The following OSBP2 variants were observed in gnomAD, a reference collection of about 807,000 sequenced individuals.
The protein encoded by OSBP2 is oxysterol-binding protein 2.
A neutral mutation model predicts 96.0 loss-of-function variants in OSBP2; 66 were observed. The observed-to-expected ratio is 0.69, with a 90% CI of 0.56 to 0.84. The LOEUF (loss-of-function observed/expected upper bound fraction) is 0.84, where lower values mean the gene tolerates loss of function less well. OSBP2 is among the 40% of genes least tolerant of loss of function. The probability of loss-of-function intolerance (pLI) is 0.00; values close to 1 mark genes in which losing one functional copy is unlikely to be tolerated. For missense variants in OSBP2, 1,038 were observed against 1,222.7 expected (o/e 0.85, Z 2.25); for synonymous variants, 525 against 520.9 (o/e 1.01, Z -0.11).
At chr22:30,865,991 C>T (rs769238553) in intron 2 of OSBP2, among the ~76,000 whole-genome samples, 6 of 152,180 alleles carry the variant, frequency 3.9e-5, no homozygotes, top group Non-Finnish European at 7.3e-5. Context: ...GTGACCCACT[C>T]GAGAGCATCC....
rs186166378 is a variant in OSBP2, at chr22:30,704,068, C to T, written c.644+8515C>T. Among the ~76,000 whole-genome samples the T allele has an allele frequency of 6.7e-3, 1,018 of 152,290 alleles. 7 individuals are homozygous for T. The highest frequency in any genetic ancestry group is 0.012 in the Non-Finnish European group (796 of 68,030). Reference sequence around the variant, plus strand: ...TCTGACTCAGCCCACGCAAAGGTGTCCACCCACCTCACACTGGGGAGACTC... The same window carrying T: ...TCTGACTCAGCCCACGCAAAGGTGTTCACCCACCTCACACTGGGGAGACTC... On this transcript the variant is annotated intron_variant, in intron 1 of 13. Coordinates refer to ENST00000332585, the MANE Select transcript of OSBP2 (RefSeq NM_030758.4).
At chr22:30,865,538 A>G (rs2039317907) in intron 2 of OSBP2, among the ~76,000 whole-genome samples, 1 of 149,200 alleles carries the variant, frequency 6.7e-6, no homozygotes, top group African/African-American at 2.5e-5. Context: ...AGGCTGAGGC[A>G]GGAGAATTGC....
chr22:30,870,353 G>C lies in OSBP2; in HGVS notation c.854-76G>C. On this transcript the variant is annotated intron_variant, in intron 2 of 13. Transcript: ENST00000332585. The surrounding 1 kb of genome is among the most constrained non-coding windows in gnomAD (Gnocchi z 4.1). The stretch of plus-strand genomic sequence containing the variant: ...TGAATGGCGCTATCCACCCTGCCCT[G>C]CTCGGCCTGGCTGTGCAGGCCTCTT... 1 of 1,485,206 alleles carries C rather than the reference G, an allele frequency of 6.7e-7. No homozygotes were observed. The highest frequency in any genetic ancestry group is 9.3e-7 in the Non-Finnish European group (1 of 1,080,760). 92.0% of individuals were successfully genotyped at this position (1,485,206 alleles called of 1,614,324 possible).
chr22:30,766,726 G>A (rs145150909), intron 2 of OSBP2, among the ~76,000 whole-genome samples: 2,224 of 152,246 alleles, frequency 0.015, 24 homozygotes, highest in Non-Finnish European at 0.021. Context: ...CCTCCATGAC[G>A]CCGGGACAGG....
At chr22:30,752,788 T>G (rs2090094445) in intron 2 of OSBP2, among the ~76,000 whole-genome samples, 1 of 152,136 alleles carries the variant, frequency 6.6e-6, no homozygotes, top group South Asian at 2.1e-4. Context: ...CATTTCAAAA[T>G]ATGTCAAAGA....
chr22:30,699,518 A>G (rs1199298743), intron 1 of OSBP2, among the ~76,000 whole-genome samples: 1 of 152,230 alleles, frequency 6.6e-6, no homozygotes, highest in East Asian at 1.9e-4. Flanking sequence ...TTATATTCCC[A>G]ACGGTCATGA....
intron 2 of OSBP2, among the ~76,000 whole-genome samples, chr22:30,866,468 G>A (rs536792027): frequency 8.5e-5 from 13 of 152,210 alleles, no homozygotes; most frequent in East Asian, 3.8e-4. Context: ...GGCCAGGCGC[G>A]GTGGCTCAGG....
intron 2 of OSBP2, among the ~76,000 whole-genome samples, chr22:30,826,065 C>T (rs1384815477): frequency 1.3e-5 from 2 of 152,072 alleles, no homozygotes; most frequent in African/African-American, 4.8e-5. Flanking sequence ...ATGTGAGCAC[C>T]AGGTCCTGGA....
At chr22:30,901,782 T>G (rs1449129395) in intron 12 of OSBP2, among the ~76,000 whole-genome samples, 1 of 152,136 alleles carries the variant, frequency 6.6e-6, no homozygotes, top group African/African-American at 2.4e-5. Context: ...GGAAAAGTGC[T>G]TGAACCTGGG....
At chr22:30,885,099 A>G (rs927894576) in intron 3 of OSBP2, among the ~76,000 whole-genome samples, 2 of 152,064 alleles carry the variant, frequency 1.3e-5, no homozygotes, top group African/African-American at 4.8e-5. Flanking sequence ...TCACCTCCTG[A>G]TATTTCCTCA....
At chr22:30,814,048 C>T (rs1251637908) in intron 2 of OSBP2, among the ~76,000 whole-genome samples, 2 of 152,026 alleles carry the variant, frequency 1.3e-5, no homozygotes, top group African/African-American at 2.4e-5. Flanking sequence ...GTGATCCACT[C>T]GCCTCAGCTT....
chr22:30,889,766 G>A (rs932443918), intron 7 of OSBP2, 130 bp downstream of exon 7: 3 of 792,688 alleles, frequency 3.8e-6, no homozygotes, highest in East Asian at 2.5e-5. Context: ...CACCTGAGGA[G>A]CATGTAACTA....
chr22:30,887,826 C>A (rs1392447539), intron 4 of OSBP2, among the ~76,000 whole-genome samples: 1 of 152,214 alleles, frequency 6.6e-6, no homozygotes, highest in East Asian at 1.9e-4. Flanking sequence ...TTCACATTCT[C>A]AAGAGTTAAA....
At chr22:30,803,362 C>T (rs2090881089) in intron 2 of OSBP2, among the ~76,000 whole-genome samples, 1 of 152,214 alleles carries the variant, frequency 6.6e-6, no homozygotes, top group Non-Finnish European at 1.5e-5. Flanking sequence ...GGGCAGGCCC[C>T]TCTGCCCTCA....
At chr22:30,823,156 G>C (rs2038318929) in intron 2 of OSBP2, among the ~76,000 whole-genome samples, 1 of 152,152 alleles carries the variant, frequency 6.6e-6, no homozygotes, top group South Asian at 2.1e-4. Context: ...GCTTTGCTCA[G>C]TGTGTGATTC....
At chr22:30,865,189 G>A (rs989836894) in intron 2 of OSBP2, among the ~76,000 whole-genome samples, 1 of 152,188 alleles carries the variant, frequency 6.6e-6, no homozygotes, top group Non-Finnish European at 1.5e-5. Flanking sequence ...TCCCAGCCCT[G>A]AGGGGGTGCC....
chr22:30,721,043 G>C (rs886666134), intron 1 of OSBP2, among the ~76,000 whole-genome samples: 26 of 152,052 alleles, frequency 1.7e-4, no homozygotes, highest in Non-Finnish European at 2.5e-4. Flanking sequence ...TGGTCAACAT[G>C]GTGAAACCCC....
chr22:30,755,181 A>G, intron 2 of OSBP2, among the ~76,000 whole-genome samples: 1 of 152,164 alleles, frequency 6.6e-6, no homozygotes, highest in East Asian at 1.9e-4. Context: ...CGTGGCCACT[A>G]AACAGTCATG....
chr22:30,786,125 G>C (rs149677965), intron 2 of OSBP2, among the ~76,000 whole-genome samples: 78 of 152,152 alleles, frequency 5.1e-4, no homozygotes, highest in African/African-American at 1.8e-3. Flanking sequence ...CCAGGTTCAA[G>C]CAATTCTCCT....
Sources: allele counts gnomAD v4.1 joint callset (sites outside exome capture counted in the v4.1 genomes callset), GRCh38; gene constraint gnomAD v4.1.1; non-coding constraint Gnocchi (gnomAD v3.1); transcripts MANE v1.5; gene names NCBI Gene and HGNC (gene_info 2026-07-23, HGNC 2026-07-21).